MACROD2: variants seen among roughly 807,000 people sequenced by gnomAD.
MACROD2 encodes ADP-ribose glycohydrolase MACROD2.
In MACROD2, 36 loss-of-function variants were observed where a neutral mutation model predicts 70.4. The observed-to-expected ratio is 0.51, with a 90% CI of 0.39 to 0.68. The LOEUF is 0.68. Among genes scored for constraint, MACROD2 ranks in the 30% least tolerant of loss-of-function variants. The pLI, the probability that MACROD2 is intolerant of heterozygous loss-of-function variation, is 0.00. For missense variants in MACROD2, 496 were observed against 538.4 expected (o/e 0.92, Z 0.78); for synonymous variants, 172 against 178.8 (o/e 0.96, Z 0.30).
intron 5 of MACROD2, among the ~76,000 whole-genome samples, chr20:14,976,196 C>A (rs180981230): frequency 1.2e-4 from 19 of 152,172 alleles, no homozygotes; most frequent in Non-Finnish European, 2.6e-4. Flanking sequence ...CCACAGATTT[C>A]ATGCTTTAAA....
Position 13,995,590 on chromosome 20 carries a change from G to A in MACROD2, c.-174G>A, listed in dbSNP as rs1022956739. ...TGGGAGCCGGAGCCGAGCGCGGGCTGAGGGAGGAGGGCGGCGACTGGAGAG... is the reference window on the plus strand; with the variant it reads ...TGGGAGCCGGAGCCGAGCGCGGGCTAAGGGAGGAGGGCGGCGACTGGAGAG... On this transcript the variant is annotated 5_prime_UTR_variant, in exon 1 of 18. Coordinates refer to ENST00000684519, the MANE Select transcript of MACROD2 (RefSeq NM_001351661.2). This position sits in a 1 kb window ranked among gnomAD's most constrained non-coding sequence, Gnocchi z 4.3. 32 of 698,072 alleles carry A rather than the reference G, an allele frequency of 4.6e-5. No individual in the cohort carries two copies. The highest frequency in any genetic ancestry group is 8.1e-5 in the Non-Finnish European group (31 of 384,486). The allele number at this position is 698,072 out of a possible 1,614,324, so 43.2% of individuals were successfully genotyped here.
chr20:15,228,487 CTTTTTTTT>C (rs527508760), intron 5 of MACROD2, among the ~76,000 whole-genome samples: 2 of 118,010 alleles, frequency 1.7e-5, no homozygotes, highest in Admixed American at 9.3e-5. Context: ...TTCCTTCTTT[CTTTTTTTT>C]TTTTTTTTTT....
intron 8 of MACROD2, among the ~76,000 whole-genome samples, chr20:15,657,978 A>G (rs963994517): frequency 6.6e-6 from 1 of 152,166 alleles, no homozygotes; most frequent in African/African-American, 2.4e-5. Flanking sequence ...GGGCAACAAG[A>G]GCTAAACTCC....
chr20:15,360,106 C>A (rs1404368804), intron 6 of MACROD2, among the ~76,000 whole-genome samples: 2 of 152,120 alleles, frequency 1.3e-5, no homozygotes, highest in Admixed American at 1.3e-4. Flanking sequence ...AATCATAAAG[C>A]ATGTGATTTT....
intron 8 of MACROD2, among the ~76,000 whole-genome samples, chr20:15,522,794 A>G (rs2047670336): frequency 6.6e-6 from 1 of 152,178 alleles, no homozygotes; most frequent in African/African-American, 2.4e-5. Flanking sequence ...GGGTGACTGG[A>G]GACAGCAATG....
chr20:14,596,057 A>C (rs1187564294), intron 4 of MACROD2, among the ~76,000 whole-genome samples: 1 of 151,992 alleles, frequency 6.6e-6, no homozygotes, highest in African/African-American at 2.4e-5. Context: ...GTTTCCACAC[A>C]TACACCCACA....
chr20:14,180,208 G>A lies in MACROD2; in HGVS notation c.271+94480G>A, dbSNP rs1024618026. Among the ~76,000 whole-genome samples, 97 of 151,760 alleles carry A rather than the reference G, an allele frequency of 6.4e-4. 1 individual carries two copies. Among genetic ancestry groups the A allele is most frequent in the African/African-American group, 2.3e-3 (94 of 41,436 alleles). On this transcript the variant is annotated intron_variant, in intron 3 of 17. Transcript: ENST00000684519. The stretch of plus-strand genomic sequence containing the variant: ...ACAGTAGGTAAGTAGCAGTCCTAGC[G>A]AGGGAGAAAAAAAAAAGGATGGAGA...
chr20:15,759,807 C>T (rs1033903023), intron 8 of MACROD2, among the ~76,000 whole-genome samples: 1 of 152,076 alleles, frequency 6.6e-6, no homozygotes, highest in Admixed American at 6.6e-5. Flanking sequence ...CTAGTCACAC[C>T]CAGCAGTTTA....
chr20:14,891,867 C>T (rs1487833619), intron 5 of MACROD2, among the ~76,000 whole-genome samples: 1 of 152,150 alleles, frequency 6.6e-6, no homozygotes, highest in Non-Finnish European at 1.5e-5. Flanking sequence ...GTTGGAGAAA[C>T]AGACACTGAG....
intron 3 of MACROD2, among the ~76,000 whole-genome samples, chr20:14,139,907 A>C (rs1018050833): frequency 1.6e-4 from 24 of 152,226 alleles, no homozygotes; most frequent in African/African-American, 5.8e-4. Context: ...AACACAAAGC[A>C]TCTGCAAAGG....
intron 3 of MACROD2, among the ~76,000 whole-genome samples, chr20:14,181,346 G>A (rs572106421): frequency 1.6e-4 from 25 of 152,048 alleles, no homozygotes; most frequent in Non-Finnish European, 3.2e-4. Context: ...GTAATTATAG[G>A]TGTGAGCCAC....
Position 16,052,472 on chromosome 20 carries a change from T to G in MACROD2, c.*2596T>G, listed in dbSNP as rs2067470950. 1 of 152,358 alleles carries G rather than the reference T, an allele frequency of 6.6e-6. No homozygotes were observed. The allele number at this position is 152,358 out of a possible 1,614,324, so 9.4% of individuals were successfully genotyped here. ...AGGGAGGGAGGAAAATAGCCCTATG[T>G]TAGTCATGTTTGCATACAGAGGATC... On this transcript the variant is annotated 3_prime_UTR_variant, in exon 18 of 18. Coordinates refer to ENST00000684519, the MANE Select transcript of MACROD2 (RefSeq NM_001351661.2).
intron 3 of MACROD2, among the ~76,000 whole-genome samples, chr20:14,396,026 A>T (rs1294577150): frequency 6.6e-6 from 1 of 152,202 alleles, no homozygotes; most frequent in African/African-American, 2.4e-5. Flanking sequence ...AGTAGCTGGG[A>T]CTACAGGTGT....
At chr20:14,467,582 G>A (rs769400301) in intron 3 of MACROD2, among the ~76,000 whole-genome samples, 14 of 152,122 alleles carry the variant, frequency 9.2e-5, no homozygotes, top group South Asian at 2.1e-4. Context: ...AGGTGAACCC[G>A]GTTGGAAATG....
chr20:14,972,882 C>T (rs749127367), intron 5 of MACROD2, among the ~76,000 whole-genome samples: 4 of 152,154 alleles, frequency 2.6e-5, no homozygotes, highest in African/African-American at 4.8e-5. Flanking sequence ...TGCTAAGTGG[C>T]GTGTCATCTA....
At chr20:15,237,312 A>G (rs2077022284) in intron 6 of MACROD2, among the ~76,000 whole-genome samples, 1 of 152,218 alleles carries the variant, frequency 6.6e-6, no homozygotes, top group South Asian at 2.1e-4. Flanking sequence ...CCCAAGCAGC[A>G]GGAGAGTTTT....
intron 6 of MACROD2, among the ~76,000 whole-genome samples, chr20:15,366,467 C>T (rs2045410952): frequency 6.6e-6 from 1 of 152,168 alleles, no homozygotes; most frequent in African/African-American, 2.4e-5. Context: ...TCCATATTCT[C>T]AGTATCAAAA....
chr20:15,256,164 A>G (rs1386023816), intron 6 of MACROD2, among the ~76,000 whole-genome samples: 1 of 152,094 alleles, frequency 6.6e-6, no homozygotes, highest in East Asian at 1.9e-4. Flanking sequence ...TTTTTAAACA[A>G]TTACACAAAG....
intron 12 of MACROD2, among the ~76,000 whole-genome samples, chr20:15,951,151 G>A (rs527704909): frequency 2.0e-4 from 31 of 152,088 alleles, no homozygotes; most frequent in African/African-American, 7.2e-4. Flanking sequence ...GAGTGGTATC[G>A]GAAAAACATT....
Sources: gnomAD v4.1 joint callset for allele counts (sites outside exome capture counted in the v4.1 genomes callset) on GRCh38, gnomAD v4.1.1 for gene constraint, Gnocchi (gnomAD v3.1) non-coding constraint, MANE v1.5 for transcripts, NCBI Gene and HGNC (gene_info 2026-07-23, HGNC 2026-07-21) for gene names.